The following CUL9 variants were observed in gnomAD, a reference collection of about 807,000 sequenced individuals.
The protein encoded by CUL9 is cullin 9.
CUL9 carries 79 observed loss-of-function variants against 272.6 expected under a neutral mutation model. The ratio of observed to expected loss-of-function variants is 0.29; its 90% CI spans 0.24 to 0.35. The LOEUF (loss-of-function observed/expected upper bound fraction) is 0.35. Among genes scored for constraint, CUL9 ranks in the 10% least tolerant of loss-of-function variants. The pLI, the probability that CUL9 is intolerant of heterozygous loss-of-function variation, is 1.00. For missense variants in CUL9, 2,532 were observed against 3,255.6 expected, an observed-to-expected ratio of 0.78 and a Z score of 5.41; for synonymous variants, 1,186 against 1,286.5, an observed-to-expected ratio of 0.92 and a Z score of 1.67.
In CUL9 at chr6:43,205,008, C is replaced by G. The variant is rs1167187847; in HGVS notation, c.4525C>G (p.Gln1509Glu). 6 of 1,613,512 alleles carry G rather than the reference C, an allele frequency of 3.7e-6. No homozygotes were observed. Among genetic ancestry groups the G allele is most frequent in the Non-Finnish European group, 4.2e-6 (5 of 1,179,694 alleles). Residue 1509 changes from glutamine (Q) to glutamate (E), a missense_variant, in exon 23 of 41, where the codon CAG (glutamine) becomes GAG (glutamate). Gln to Glu is a conservative substitution (Grantham distance 29). Around this residue, in one of 3 missense-constraint regions of CUL9, gnomAD observed 2,218 missense variants for 2,788.6 expected, o/e 0.80. Coordinates refer to ENST00000252050, the MANE Select transcript of CUL9 (RefSeq NM_015089.4). ...TTACTGTAAACTCTATGAGCACTTG[C>G]AGAGAGCAGGCTCCGAGCTGTTTGG... Reference protein sequence around the residue: ...PRYCKLYEHLQRAGSELFGPR... With the variant: ...PRYCKLYEHLERAGSELFGPR...
At position 43,216,213 on chromosome 6, in the gene CUL9, A is replaced by G. The variant is rs746356154; in HGVS notation, c.5992A>G (p.Ser1998Gly). The G allele has an allele frequency of 6.2e-7, 1 of 1,613,486 alleles. No individual in the cohort carries two copies. Among genetic ancestry groups the G allele is most frequent in the South Asian group, 1.1e-5 (1 of 91,034 alleles). ...ACAGCTGCCTGCAGGCCGCACCATG[A>G]GCCCCCAGGAAGTAGAAGGGTTGAT... ...SLQLPAGRTM[S>G]PQEVEGLMKQ... Residue 1998 changes from serine to glycine, a missense_variant, in exon 31 of 41, where the codon AGC (serine) becomes GGC (glycine). Physicochemically the swap from Ser to Gly is moderately conservative, Grantham distance 56. Coordinates refer to ENST00000252050, the MANE Select transcript of CUL9 (RefSeq NM_015089.4).
At chr6:43,186,864 T>A (rs886835030) in intron 4 of CUL9, 96 bp from the exon 5 acceptor site, 1 of 1,467,450 alleles carries the variant, frequency 6.8e-7, no homozygotes, top group East Asian at 2.3e-5. Context: ...GCGCCCCAGA[T>A]CTATGCTTGG....
intron 8 of CUL9, among the ~76,000 whole-genome samples, chr6:43,190,321 C>T (rs1245199954): frequency 6.7e-6 from 1 of 149,374 alleles, no homozygotes; most frequent in Non-Finnish European, 1.5e-5. Flanking sequence ...TATAAATATT[C>T]TGTTATTATC....
Position 43,220,658 on chromosome 6 carries a change from A to T in CUL9, c.6423+59A>T. Reference sequence around the variant, plus strand: ...AGAGCCAAAGGAGTGTGCCCCAGGGAGTGGGCTGAGCTATGGGGTGCTGGG... The same window carrying T: ...AGAGCCAAAGGAGTGTGCCCCAGGGTGTGGGCTGAGCTATGGGGTGCTGGG... On this transcript the variant is annotated intron_variant, in intron 32 of 40. Coordinates refer to ENST00000252050, the MANE Select transcript of CUL9 (RefSeq NM_015089.4). The surrounding 1 kb of genome is among the most constrained non-coding windows in gnomAD (Gnocchi z 4.9). 2 of 1,607,578 alleles carry T rather than the reference A, an allele frequency of 1.2e-6. No homozygotes were observed. The highest frequency in any genetic ancestry group is 1.7e-6 in the Non-Finnish European group (2 of 1,176,184).
rs771841382 is a variant in CUL9, at chr6:43,213,745, C to T, written c.5521C>T (p.Arg1841Cys). The T allele has an allele frequency of 1.1e-5, 17 of 1,613,668 alleles. No homozygotes were observed. Among genetic ancestry groups the T allele is most frequent in the South Asian group, 7.7e-5 (7 of 91,060 alleles). Residue 1841 changes from arginine (R) to cysteine (C), a missense_variant, in exon 29 of 41, where the codon CGC (arginine) becomes TGC (cysteine). Transcript: ENST00000252050. This position sits in a 1 kb window ranked among gnomAD's most constrained non-coding sequence, Gnocchi z 5.7. Reference sequence around the variant, plus strand: ...GCGGCTTCATGAGCCTGGGCCCCAGCGCAGTGGGGAGGCCCTGTGGCTGAT... The same window carrying T: ...GCGGCTTCATGAGCCTGGGCCCCAGTGCAGTGGGGAGGCCCTGTGGCTGAT... ...VLRLHEPGPQRSGEALWLIPP... is the reference protein window; with the variant it reads ...VLRLHEPGPQCSGEALWLIPP...
rs1215778656 is a variant in CUL9 at position 43,216,349 on chromosome 6, G to A, written c.6128G>A (p.Ser2043Asn). ...GCTGAACAGCTGCTGCAGAGCTACA[G>A]TGAGGACCCTGAGCCACTGCTGCTG... ...WGAEQLLQSY[S>N]EDPEPLLLAA... The change falls in exon 31 of 41, where the codon AGT (serine) becomes AAT (asparagine). Residue 2043 changes from serine to asparagine, a missense_variant. By Grantham distance (46) the Ser-to-Asn change is conservative. Transcript: ENST00000252050. 1.2e-6 allele frequency: 2 copies of A among 1,614,196 alleles called. No individual in the cohort carries two copies. The highest frequency in any genetic ancestry group is 2.2e-5 in the South Asian group (2 of 91,086).
intron 4 of CUL9, among the ~76,000 whole-genome samples, 178 bp downstream of exon 4, chr6:43,186,633 A>T (rs953204591): frequency 6.6e-6 from 1 of 152,072 alleles, no homozygotes; most frequent in African/African-American, 2.4e-5. Context: ...AAAATCTGGC[A>T]GGGGTGTGGG....
intron 30 of CUL9, 146 bp from the exon 31 acceptor site, chr6:43,216,012 A>G (rs2150629443): frequency 2.9e-6 from 2 of 682,334 alleles, no homozygotes; most frequent in East Asian, 5.5e-5. Flanking sequence ...ATCTGCTCTG[A>G]CGGTTGGTTT....
Position 43,200,141 on chromosome 6 carries a change from G to C in CUL9, c.3369G>C (p.Leu1123=). The part of the protein sequence containing the change: ...QLYSNLTSSI[L]AGCIQMVLGQ... ...ATAGCAACCTCACCTCCAGCATCCTGGCCGGCTGCATTCAGGTGAGGAGCG... is the reference window on the plus strand; with the variant it reads ...ATAGCAACCTCACCTCCAGCATCCTCGCCGGCTGCATTCAGGTGAGGAGCG... Residue 1123 remains leucine, a synonymous_variant, in exon 14 of 41, where the codon CTG becomes CTC. Coordinates refer to ENST00000252050, the MANE Select transcript of CUL9 (RefSeq NM_015089.4). This position sits in a 1 kb window ranked among gnomAD's most constrained non-coding sequence, Gnocchi z 4.0. The C allele has an allele frequency of 6.2e-7, 1 of 1,614,090 alleles. No homozygotes were observed. Among genetic ancestry groups the C allele is most frequent in the Non-Finnish European group, 8.5e-7 (1 of 1,179,992 alleles).
chr6:43,209,438 C>T (rs573430339), intron 26 of CUL9, among the ~76,000 whole-genome samples: 128 of 152,112 alleles, frequency 8.4e-4, no homozygotes, highest in Non-Finnish European at 1.4e-3. Flanking sequence ...CGTGAGCCAC[C>T]GTGCCCGGCC....
intron 23 of CUL9, 74 bp downstream of exon 23, chr6:43,205,189 C>A: frequency 6.3e-7 from 1 of 1,587,808 alleles, no homozygotes; most frequent in Non-Finnish European, 8.6e-7. Context: ...TGCCCTTTCA[C>A]CTCCTTTCGC....
At chr6:43,185,007 T>A in intron 2 of CUL9, 102 bp downstream of exon 2, 2 of 896,148 alleles carry the variant, frequency 2.2e-6, no homozygotes, top group Non-Finnish European at 3.3e-6. Context: ...ACCTAGTATT[T>A]GGTGAATATC....
Position 43,222,830 on chromosome 6 carries a change from A to G in CUL9, c.7084A>G (p.Met2362Val). 6.2e-7 allele frequency: 1 copy of G among 1,614,072 alleles called. No homozygotes were observed. The highest frequency in any genetic ancestry group is 8.5e-7 in the Non-Finnish European group (1 of 1,179,974). The change falls in exon 38 of 41, where the codon ATG (methionine) becomes GTG (valine). Residue 2362 changes from methionine to valine, a missense_variant. Physicochemically the swap from Met to Val is conservative, Grantham distance 21. Transcript: ENST00000252050. ...CTTCTACAGCCAGGACGCAGAGTAC[A>G]TGGATGTGGTGGAGCAGCAGACAGA... ...YSFYSQDAEYMDVVEQQTENL... is the reference protein window; with the variant it reads ...YSFYSQDAEYVDVVEQQTENL...
intron 21 of CUL9, 68 bp downstream of exon 21, chr6:43,204,607 G>A (rs1048116073): frequency 6.3e-7 from 1 of 1,599,966 alleles, no homozygotes; most frequent in African/African-American, 1.3e-5. Context: ...CCTCCTCCCT[G>A]GGTCTTACTC....
intron 26 of CUL9, among the ~76,000 whole-genome samples, chr6:43,210,921 T>C (rs1355266281): frequency 6.6e-6 from 1 of 152,200 alleles, no homozygotes; most frequent in Non-Finnish European, 1.5e-5. Flanking sequence ...GATTGATTGA[T>C]TGTTTTTAAA....
chr6:43,223,311 C>T lies in CUL9; in HGVS notation c.7198C>T (p.Leu2400=). ...AGACCTGGCCTCCTCCCTGCGCCTC[C>T]TGCGGGCCGACTGCCTCAGCACGGG... The part of the protein sequence containing the change: ...CRDLASSLRL[L]RADCLSTGME... The change falls in exon 39 of 41, where the codon CTG becomes TTG. Residue 2400 remains leucine, a synonymous_variant. Coordinates refer to ENST00000252050, the MANE Select transcript of CUL9 (RefSeq NM_015089.4). The surrounding 1 kb of genome is among the most constrained non-coding windows in gnomAD (Gnocchi z 4.1). The T allele has an allele frequency of 1.2e-6, 2 of 1,601,086 alleles. No homozygotes were observed. Among genetic ancestry groups the T allele is most frequent in the Non-Finnish European group, 1.7e-6 (2 of 1,173,964 alleles).
Position 43,220,169 on chromosome 6 carries a change from C to G in CUL9, c.6283-290C>G, listed in dbSNP as rs185847940. ...TCTTTCTGAGAATTTGAATCGTTCT[C>G]CTTTTTCTTAATTATTTTTACCCAT... On this transcript the variant is annotated intron_variant, in intron 31 of 40. Coordinates refer to ENST00000252050, the MANE Select transcript of CUL9 (RefSeq NM_015089.4). This position sits in a 1 kb window ranked among gnomAD's most constrained non-coding sequence, Gnocchi z 4.9. 2.0e-5 allele frequency among the ~76,000 whole-genome samples: 3 copies of G among 152,304 alleles called. No individual in the cohort carries two copies. Among genetic ancestry groups the G allele is most frequent in the African/African-American group, 7.2e-5 (3 of 41,570 alleles).
At chr6:43,215,390 C>T in intron 30 of CUL9, 64 bp downstream of exon 30, 2 of 1,517,200 alleles carry the variant, frequency 1.3e-6, no homozygotes, top group Non-Finnish European at 1.8e-6. Context: ...AGCCAAGATC[C>T]CTTGTGGAGA....
rs150188923 is a variant in CUL9 at position 43,186,279 on chromosome 6, C to G, written c.1075C>G (p.Gln359Glu). The G allele has an allele frequency of 9.3e-3, 14,937 of 1,614,222 alleles. 97 individuals are homozygous for G. Among genetic ancestry groups the G allele is most frequent in the Non-Finnish European group, 0.01 (12,261 of 1,180,044 alleles). The change falls in exon 4 of 41, where the codon CAA (glutamine) becomes GAA (glutamate). Residue 359 changes from glutamine (Q) to glutamate (E), a missense_variant. By Grantham distance (29) the Gln-to-Glu change is conservative. This residue lies in a region of CUL9 where 2,218 missense variants were observed against 2,788.6 expected (regional missense o/e 0.80). Coordinates refer to ENST00000252050, the MANE Select transcript of CUL9 (RefSeq NM_015089.4). ...LPTIVTTPRR[Q>E]GWVFRQRSEF... ...CACCATTGTCACCACCCCCAGAAGA[C>G]AAGGGTGGGTCTTCCGCCAGCGCTC...
Sources: gnomAD v4.1 joint callset for allele counts (sites outside exome capture counted in the v4.1 genomes callset) on GRCh38, gnomAD v4.1.1 for gene constraint, gnomAD v4.1.1 regional missense constraint, Gnocchi (gnomAD v3.1) non-coding constraint, MANE v1.5 for transcripts, NCBI Gene and HGNC (gene_info 2026-07-23, HGNC 2026-07-21) for gene names.